Variants in SLC14A2 observed in about 807,000 individuals in gnomAD.
SLC14A2 encodes the protein urea transporter 2.
SLC14A2 carries 91 observed loss-of-function variants against 104.6 expected under a neutral mutation model. The ratio of observed to expected loss-of-function variants is 0.87; its 90% CI spans 0.73 to 1.04. SLC14A2 has a LOEUF of 1.04. Among genes scored for constraint, SLC14A2 ranks in the 50% least tolerant of loss-of-function variants. The probability of loss-of-function intolerance (pLI) is 0.00; values close to 1 mark genes in which losing one functional copy is unlikely to be tolerated. For missense variants in SLC14A2, 1,189 were observed against 1,156.0 expected, an observed-to-expected ratio of 1.03 and a Z score of -0.41; for synonymous variants, 476 against 466.4, an observed-to-expected ratio of 1.02 and a Z score of -0.27.
At chr18:45,524,158 T>C (rs1453659536) in intron 2 of SLC14A2, among the ~76,000 whole-genome samples, 1 of 152,196 alleles carries the variant, frequency 6.6e-6, no homozygotes, top group Admixed American at 6.5e-5. Flanking sequence ...AAGTGATCCT[T>C]ATTACTACTA....
intron 1 of SLC14A2, among the ~76,000 whole-genome samples, chr18:45,421,028 C>T (rs572753314): frequency 1.3e-5 from 2 of 152,166 alleles, no homozygotes; most frequent in East Asian, 1.9e-4. Context: ...CATGAGCCAC[C>T]GCACCCGGCC....
At chr18:45,523,127 T>G (rs1379431806) in intron 2 of SLC14A2, among the ~76,000 whole-genome samples, 1 of 152,016 alleles carries the variant, frequency 6.6e-6, no homozygotes, top group Non-Finnish European at 1.5e-5. Context: ...CTGGTGAGAA[T>G]TGTAGTTTAC....
At chr18:45,647,785 A>AT (rs1226229370) in intron 10 of SLC14A2, 1 of 145,660 alleles carries the variant, frequency 6.9e-6, no homozygotes, top group African/African-American at 2.6e-5. Flanking sequence ...AGGAATCTTG[A>AT]TTTTTTTAAC....
At chr18:45,632,044 T>C (rs2045352645) in intron 4 of SLC14A2, among the ~76,000 whole-genome samples, 1 of 152,176 alleles carries the variant, frequency 6.6e-6, no homozygotes, top group Admixed American at 6.5e-5. Context: ...TCCCTCTATA[T>C]TTAGCAGTCT....
intron 1 of SLC14A2, among the ~76,000 whole-genome samples, chr18:45,435,726 T>C (rs1251584185): frequency 3.3e-5 from 5 of 152,222 alleles, no homozygotes; most frequent in Non-Finnish European, 7.3e-5. Context: ...CCCAGGACTC[T>C]ATATCAACCT....
intron 1 of SLC14A2, among the ~76,000 whole-genome samples, chr18:45,383,761 T>C (rs2543016): frequency 0.57 from 86,069 of 151,962 alleles, 26,983 homozygotes; most frequent in East Asian, 0.86. Context: ...ACCATCCCAG[T>C]GGCATGTGCT....
At chr18:45,633,396 G>A (rs1051853524) in intron 5 of SLC14A2, among the ~76,000 whole-genome samples, 4 of 152,178 alleles carry the variant, frequency 2.6e-5, no homozygotes, top group Non-Finnish European at 4.4e-5. Flanking sequence ...TGGAAGTATC[G>A]GTTGAGATCT....
intron 2 of SLC14A2, among the ~76,000 whole-genome samples, chr18:45,515,136 G>C (rs1049373771): frequency 6.6e-6 from 1 of 152,200 alleles, no homozygotes; most frequent in Non-Finnish European, 1.5e-5. Flanking sequence ...CATGACAACA[G>C]TGTCTGACAC....
At chr18:45,353,239 G>A (rs200795467) in intron 1 of SLC14A2, among the ~76,000 whole-genome samples, 8 of 152,136 alleles carry the variant, frequency 5.3e-5, no homozygotes, top group East Asian at 1.9e-4. Context: ...AACAGAGGGC[G>A]GACTACAAAT....
intron 1 of SLC14A2, among the ~76,000 whole-genome samples, chr18:45,289,244 C>T (rs1299238053): frequency 2.6e-5 from 4 of 151,662 alleles, no homozygotes; most frequent in African/African-American, 9.7e-5. Flanking sequence ...TCTTTTTTAC[C>T]ATTTTATTTT....
At chr18:45,269,627 C>T (rs936982458) in intron 1 of SLC14A2, among the ~76,000 whole-genome samples, 1 of 152,070 alleles carries the variant, frequency 6.6e-6, no homozygotes, top group Non-Finnish European at 1.5e-5. Flanking sequence ...GCACTACCTT[C>T]GAGACAAGAC....
At chr18:45,296,037 T>C (rs548260905) in intron 1 of SLC14A2, among the ~76,000 whole-genome samples, 9 of 152,304 alleles carry the variant, frequency 5.9e-5, no homozygotes, top group Admixed American at 4.6e-4. Flanking sequence ...CTCTTACTAT[T>C]TCTTAGCTGT....
intron 2 of SLC14A2, among the ~76,000 whole-genome samples, chr18:45,546,477 G>T (rs990952221): frequency 6.6e-6 from 1 of 152,128 alleles, no homozygotes; most frequent in Admixed American, 6.6e-5. Context: ...ACCTCTCTTT[G>T]TCTGAAGCTG....
intron 2 of SLC14A2, among the ~76,000 whole-genome samples, chr18:45,583,243 CCCCATTACA>C (rs372325189): frequency 3.3e-5 from 5 of 152,326 alleles, no homozygotes; most frequent in East Asian, 3.9e-4. Flanking sequence ...CACTTGGCAA[CCCCATTACA>C]CCTGAAATGA....
intron 1 of SLC14A2, among the ~76,000 whole-genome samples, chr18:45,312,806 G>A (rs2085092067): frequency 6.6e-6 from 1 of 152,220 alleles, no homozygotes; most frequent in Non-Finnish European, 1.5e-5. Context: ...CAAAGAGAGA[G>A]CTCAGGCTCC....
upstream of SLC14A2, among the ~76,000 whole-genome samples, chr18:45,209,362 AACAACAACAACAAC>A (rs2083943083): frequency 6.6e-6 from 1 of 151,824 alleles, no homozygotes; most frequent in Non-Finnish European, 1.5e-5. Flanking sequence ...CAACAACAAC[AACAACAACAACAAC>A]AACTGTGGTC....
chr18:45,679,107 C>A, intron 19 of SLC14A2, 83 bp downstream of exon 19: 1 of 1,284,670 alleles, frequency 7.8e-7, no homozygotes, highest in Non-Finnish European at 1.1e-6. Context: ...GAAAACCTCT[C>A]TCCTCTAAGA....
chr18:45,412,553 C>A (rs967130811), intron 1 of SLC14A2, among the ~76,000 whole-genome samples: 12 of 152,148 alleles, frequency 7.9e-5, no homozygotes, highest in Non-Finnish European at 1.3e-4. Context: ...ACCTCACCCC[C>A]CAGAGGAATC....
chr18:45,420,031 C>A (rs2086324963), intron 1 of SLC14A2, among the ~76,000 whole-genome samples: 1 of 152,186 alleles, frequency 6.6e-6, no homozygotes, highest in African/African-American at 2.4e-5. Flanking sequence ...TTCCATGGGT[C>A]ACAAATCTGG....
Sources: gnomAD v4.1 joint callset for allele counts (sites outside exome capture counted in the v4.1 genomes callset) on GRCh38, gnomAD v4.1.1 for gene constraint, MANE v1.5 for transcripts, NCBI Gene and HGNC (gene_info 2026-07-23, HGNC 2026-07-21) for gene names.